The following MIR2052HG variants were observed in gnomAD, a reference collection of about 807,000 sequenced individuals.
The protein encoded by MIR2052HG is MIR2052 host gene.
Position 74,739,589 on chromosome 8 carries a change from AGT to A in MIR2052HG, n.372-12851_372-12850del, listed in dbSNP as rs140263497. 3.1e-3 allele frequency among the ~76,000 whole-genome samples: 470 copies of A among 152,292 alleles called. 3 individuals are homozygous for A. The highest frequency in any genetic ancestry group is 0.011 in the African/African-American group (439 of 41,564). ...GAGAATGCAAAGGTCATGTAAATAT[AGT>A]TGTAGTAATGTCTTCACTGATTGAA... On this transcript the variant is annotated intron_variant and non_coding_transcript_variant, in intron 4 of 6. Transcript: ENST00000523442.
intron 2 of MIR2052HG, among the ~76,000 whole-genome samples, chr8:74,668,435 C>T (rs1024536610): frequency 6.6e-6 from 1 of 152,116 alleles, no homozygotes; most frequent in African/African-American, 2.4e-5. Context: ...GGAGCTGGTA[C>T]TTTAATTTTG....
intron 2 of MIR2052HG, among the ~76,000 whole-genome samples, chr8:74,646,772 A>T (rs559648122): frequency 3.6e-4 from 55 of 152,072 alleles, no homozygotes; most frequent in African/African-American, 1.3e-3. Context: ...TATGAAAATT[A>T]AAAAAATTAT....
At chr8:74,685,647 A>G (rs1809172994) in intron 2 of MIR2052HG, among the ~76,000 whole-genome samples, 1 of 152,126 alleles carries the variant, frequency 6.6e-6, no homozygotes. Flanking sequence ...GTTTACACAG[A>G]AAGACTTTAG....
At chr8:74,757,404 A>T (rs1235071629) in intron 5 of MIR2052HG, 1 of 152,240 alleles carries the variant, frequency 6.6e-6, no homozygotes, top group Non-Finnish European at 1.5e-5. Flanking sequence ...TCTGAGAAGC[A>T]TTCCTTCTCT....
chr8:74,695,479 A>G (rs1460607822), intron 2 of MIR2052HG, among the ~76,000 whole-genome samples: 1 of 152,204 alleles, frequency 6.6e-6, no homozygotes, highest in Admixed American at 6.5e-5. Context: ...TGTTGAATAT[A>G]AATGGCCTAA....
intron 2 of MIR2052HG, among the ~76,000 whole-genome samples, chr8:74,689,986 A>G (rs1252649712): frequency 1.3e-5 from 2 of 152,192 alleles, no homozygotes; most frequent in African/African-American, 4.8e-5. Context: ...GAAAACCCTG[A>G]GTAAAGGTGC....
At chr8:74,738,868 C>T (rs1435002099) in intron 4 of MIR2052HG, among the ~76,000 whole-genome samples, 4 of 152,204 alleles carry the variant, frequency 2.6e-5, no homozygotes, top group Non-Finnish European at 5.9e-5. Flanking sequence ...TACACGCATT[C>T]AGTCTGCCTC....
intron 2 of MIR2052HG, among the ~76,000 whole-genome samples, chr8:74,620,358 G>A (rs1808344569): frequency 6.6e-6 from 1 of 152,200 alleles, no homozygotes; most frequent in East Asian, 1.9e-4. Flanking sequence ...TCTAGGCAGT[G>A]CCCGCATGGG....
At chr8:74,755,200 T>TA (rs1053159145) in intron 5 of MIR2052HG, among the ~76,000 whole-genome samples, 5 of 152,200 alleles carry the variant, frequency 3.3e-5, no homozygotes, top group Non-Finnish European at 7.3e-5. Flanking sequence ...TTGGGTTTTT[T>TA]AAAAAAATTC....
intron 2 of MIR2052HG, among the ~76,000 whole-genome samples, chr8:74,648,534 C>G (rs1160701803): frequency 6.6e-6 from 1 of 152,246 alleles, no homozygotes; most frequent in South Asian, 2.1e-4. Context: ...TTCGTACACC[C>G]ACTCCCCAGC....
intron 4 of MIR2052HG, among the ~76,000 whole-genome samples, chr8:74,749,866 A>AAAAG (rs1809926791): frequency 6.6e-6 from 1 of 151,544 alleles, no homozygotes; most frequent in Non-Finnish European, 1.5e-5. Context: ...AAAAAAAAAA[A>AAAAG]GTATTGTAGG....
rs1428809436 is a variant in MIR2052HG, at chr8:74,609,093, A to G, written n.129-3760A>G. 2.6e-5 allele frequency among the ~76,000 whole-genome samples: 4 copies of G among 152,158 alleles called. No homozygotes were observed. In the East Asian group the frequency reaches 7.7e-4, roughly 29 times the overall value. ...AATAAGAGTAAATATGCAAATTACC[A>G]GTGTCAGGAATAAGATATGTGACAT... is the stretch of plus-strand genomic sequence containing the variant. On this transcript the variant is annotated intron_variant and non_coding_transcript_variant, in intron 1 of 6. Transcript: ENST00000523442.
intron 4 of MIR2052HG, among the ~76,000 whole-genome samples, chr8:74,733,924 G>A (rs1809721133): frequency 6.6e-6 from 1 of 152,110 alleles, no homozygotes; most frequent in African/African-American, 2.4e-5. Context: ...CTTTTTGATG[G>A]CAAGGACTTC....
intron 2 of MIR2052HG, among the ~76,000 whole-genome samples, chr8:74,661,288 C>G (rs1808862069): frequency 6.6e-6 from 1 of 151,764 alleles, no homozygotes; most frequent in Non-Finnish European, 1.5e-5. Context: ...CTGCAACCTC[C>G]ACCTCCCAGG....
intron 2 of MIR2052HG, among the ~76,000 whole-genome samples, chr8:74,650,163 A>G (rs1808736921): frequency 6.6e-6 from 1 of 152,194 alleles, no homozygotes; most frequent in African/African-American, 2.4e-5. Context: ...ATTGTATGCA[A>G]CTGTATAACT....
chr8:74,720,972 G>A (rs1022201544), intron 4 of MIR2052HG, among the ~76,000 whole-genome samples: 5 of 152,086 alleles, frequency 3.3e-5, no homozygotes, highest in East Asian at 1.9e-4. Context: ...TCTCCCACAA[G>A]GTCTCTCCCT....
intron 1 of MIR2052HG, among the ~76,000 whole-genome samples, chr8:74,600,099 G>T (rs1807970042): frequency 6.6e-6 from 1 of 152,106 alleles, no homozygotes; most frequent in Non-Finnish European, 1.5e-5. Context: ...TGCACGGTGT[G>T]CACAGCCACT....
chr8:74,694,943 A>G (rs1809280133), intron 2 of MIR2052HG, among the ~76,000 whole-genome samples: 1 of 152,162 alleles, frequency 6.6e-6, no homozygotes, highest in South Asian at 2.1e-4. Context: ...CTTGCTAGAG[A>G]CCTGGACATC....
chr8:74,681,018 A>T (rs996512554), intron 2 of MIR2052HG, among the ~76,000 whole-genome samples: 1 of 139,150 alleles, frequency 7.2e-6, no homozygotes, highest in African/African-American at 2.7e-5. Flanking sequence ...AACAATGAGA[A>T]CACATGGACA....
Sources: allele counts gnomAD v4.1 joint callset (sites outside exome capture counted in the v4.1 genomes callset), GRCh38; gene constraint gnomAD v4.1.1; transcripts MANE v1.5; gene names NCBI Gene and HGNC (gene_info 2026-07-23, HGNC 2026-07-21).